HOMER1: variants seen among roughly 807,000 people sequenced by gnomAD.
HOMER1 encodes the protein homer scaffold protein 1.
Under a neutral mutation model 48.9 loss-of-function variants are expected in HOMER1, and 3 were observed. The ratio of observed to expected loss-of-function variants is 0.06; its 90% CI spans 0.03 to 0.16. The LOEUF (loss-of-function observed/expected upper bound fraction) is 0.16. HOMER1 is among the 10% of genes least tolerant of loss of function. The pLI, the probability that HOMER1 is intolerant of heterozygous loss-of-function variation, is 1.00. For missense variants in HOMER1, 247 were observed against 411.4 expected, an observed-to-expected ratio of 0.60 and a Z score of 3.46; for synonymous variants, 134 against 146.4, an observed-to-expected ratio of 0.92 and a Z score of 0.61.
chr5:79,452,247 A>C (rs1751049661), intron 2 of HOMER1, among the ~76,000 whole-genome samples: 1 of 152,210 alleles, frequency 6.6e-6, no homozygotes. Context: ...GTATAGATTC[A>C]TGATATTGAG....
Position 79,394,152 on chromosome 5 carries a change from C to T in HOMER1, c.876+2671G>A, listed in dbSNP as rs184806757. 7.2e-5 allele frequency among the ~76,000 whole-genome samples: 11 copies of T among 152,204 alleles called. 1 individual carries two copies. In the South Asian group the frequency reaches 1.2e-3, roughly 17 times the overall value. ...CTCATAAATTAGAAAAACTGTAGCA[C>T]GGTATCCTTAATTTACCAATAACTA... is the stretch of plus-strand genomic sequence containing the variant. On this transcript the variant is annotated intron_variant, in intron 8 of 8. Coordinates refer to ENST00000334082, the MANE Select transcript of HOMER1 (RefSeq NM_004272.5).
chr5:79,451,734 T>A (rs557552459), intron 2 of HOMER1, among the ~76,000 whole-genome samples: 1 of 151,634 alleles, frequency 6.6e-6, no homozygotes, highest in South Asian at 2.1e-4. Flanking sequence ...CCCTACTAAC[T>A]TTTTTGTATT....
chr5:79,379,469 T>TATATATAA (rs992182545), intron 8 of HOMER1, among the ~76,000 whole-genome samples: 5 of 114,706 alleles, frequency 4.4e-5, no homozygotes, highest in Admixed American at 1.2e-4. Context: ...ATATATATTT[T>TATATATAA]ATATATAAAT....
chr5:79,416,930 AC>A (rs1248832380), intron 5 of HOMER1, among the ~76,000 whole-genome samples: 1 of 152,166 alleles, frequency 6.6e-6, no homozygotes, highest in African/African-American at 2.4e-5. Context: ...AAATACTTTA[AC>A]GTAAATCATA....
At chr5:79,507,170 G>A (rs1490437161) in intron 1 of HOMER1, among the ~76,000 whole-genome samples, 3 of 125,664 alleles carry the variant, frequency 2.4e-5, no homozygotes, top group African/African-American at 3.1e-5. Context: ...CCAAGATCGC[G>A]CCACTGCACT....
chr5:79,433,663 T>C (rs1310925380), intron 5 of HOMER1, among the ~76,000 whole-genome samples: 2 of 152,248 alleles, frequency 1.3e-5, no homozygotes, highest in African/African-American at 4.8e-5. Context: ...TTTATTTTGG[T>C]GTTTTTGTAT....
intron 5 of HOMER1, among the ~76,000 whole-genome samples, chr5:79,419,446 C>T (rs1280470719): frequency 6.6e-6 from 1 of 152,056 alleles, no homozygotes; most frequent in Non-Finnish European, 1.5e-5. Flanking sequence ...GGGCTTTTAT[C>T]ATATACATTA....
At chr5:79,412,928 T>C (rs1749847001) in intron 5 of HOMER1, among the ~76,000 whole-genome samples, 1 of 152,236 alleles carries the variant, frequency 6.6e-6, no homozygotes, top group African/African-American at 2.4e-5. Flanking sequence ...GGAGAAAGTT[T>C]CAGCCATTAA....
chr5:79,397,257 A>C (rs1306686336), intron 7 of HOMER1, among the ~76,000 whole-genome samples: 8 of 152,148 alleles, frequency 5.3e-5, no homozygotes, highest in Admixed American at 5.2e-4. Flanking sequence ...TTTAACCCCT[A>C]ATGATTTTCT....
At chr5:79,382,488 G>T (rs1316215134) in intron 8 of HOMER1, among the ~76,000 whole-genome samples, 3 of 152,084 alleles carry the variant, frequency 2.0e-5, no homozygotes, top group African/African-American at 7.2e-5. Flanking sequence ...GGAAAGAATG[G>T]GGTGATATAT....
intron 5 of HOMER1, among the ~76,000 whole-genome samples, chr5:79,405,941 T>G (rs1325439179): frequency 6.6e-6 from 1 of 152,218 alleles, no homozygotes; most frequent in Non-Finnish European, 1.5e-5. Context: ...TTATCAGGCA[T>G]GCATATACGG....
chr5:79,438,347 A>G (rs1479956732), intron 5 of HOMER1, among the ~76,000 whole-genome samples: 1 of 152,234 alleles, frequency 6.6e-6, no homozygotes, highest in Non-Finnish European at 1.5e-5. Flanking sequence ...CATCCTAAAT[A>G]CACCAAGTAT....
chr5:79,503,725 CAAAAAA>C (rs34548421), intron 1 of HOMER1, among the ~76,000 whole-genome samples: 1 of 123,078 alleles, frequency 8.1e-6, no homozygotes, highest in Non-Finnish European at 1.9e-5. Context: ...ACTCTGCCTC[CAAAAAA>C]AAAAAAAAAG....
chr5:79,488,020 T>C (rs1257833253), intron 1 of HOMER1, among the ~76,000 whole-genome samples: 1 of 152,258 alleles, frequency 6.6e-6, no homozygotes, highest in Non-Finnish European at 1.5e-5. Flanking sequence ...GGTTTTTGTA[T>C]ACTTAAAACT....
intron 1 of HOMER1, among the ~76,000 whole-genome samples, chr5:79,490,060 C>T (rs1412421021): frequency 6.6e-6 from 1 of 152,188 alleles, no homozygotes; most frequent in Non-Finnish European, 1.5e-5. Flanking sequence ...GCAAATATAA[C>T]CTACAAGAAA....
chr5:79,431,823 T>C (rs368554259), intron 5 of HOMER1, among the ~76,000 whole-genome samples: 13 of 152,334 alleles, frequency 8.5e-5, no homozygotes, highest in Admixed American at 5.9e-4. Flanking sequence ...AGGCAGTCCC[T>C]GGAGAATGAC....
At chr5:79,475,041 T>C (rs561809558) in intron 1 of HOMER1, among the ~76,000 whole-genome samples, 2 of 152,340 alleles carry the variant, frequency 1.3e-5, no homozygotes, top group South Asian at 2.1e-4. Context: ...CTCCTAAATC[T>C]GAAGACAAAG....
At chr5:79,501,317 GA>G (rs1464984146) in intron 1 of HOMER1, among the ~76,000 whole-genome samples, 1 of 152,026 alleles carries the variant, frequency 6.6e-6, no homozygotes, top group Non-Finnish European at 1.5e-5. Context: ...TTTATTGTAC[GA>G]ATACAGCATA....
At chr5:79,430,868 C>T (rs1300740186) in intron 5 of HOMER1, among the ~76,000 whole-genome samples, 3 of 151,438 alleles carry the variant, frequency 2.0e-5, no homozygotes, top group African/African-American at 7.3e-5. Flanking sequence ...ACCCAGGAGG[C>T]GGAGGTTGCA....
Sources: gnomAD v4.1 joint callset for allele counts (sites outside exome capture counted in the v4.1 genomes callset) on GRCh38, gnomAD v4.1.1 for gene constraint, MANE v1.5 for transcripts, NCBI Gene and HGNC (gene_info 2026-07-23, HGNC 2026-07-21) for gene names.